CALN1: variants seen among roughly 807,000 people sequenced by gnomAD.
The protein encoded by CALN1 is calcium-binding protein 8.
In CALN1, 17 loss-of-function variants were observed where a neutral mutation model predicts 30.6. That is an observed-to-expected ratio of 0.56 (90% CI 0.38 to 0.83). The LOEUF (loss-of-function observed/expected upper bound fraction) is 0.83. Ranked by LOEUF, CALN1 falls within the 40% of genes least tolerant of loss-of-function variation. The probability of loss-of-function intolerance (pLI) is 0.00; values close to 1 mark genes in which losing one functional copy is unlikely to be tolerated. For missense variants in CALN1, 291 were observed against 354.9 expected, an observed-to-expected ratio of 0.82 and a Z score of 1.45; for synonymous variants, 156 against 131.4, an observed-to-expected ratio of 1.19 and a Z score of -1.28.
chr7:72,054,926 A>T (rs1216853047), intron 4 of CALN1, among the ~76,000 whole-genome samples: 3 of 152,008 alleles, frequency 2.0e-5, no homozygotes, highest in Non-Finnish European at 2.9e-5. Context: ...AAACAAAACA[A>T]AACACACAGA....
the CALN1 span, among the ~76,000 whole-genome samples, chr7:72,453,654 G>C: frequency 6.6e-6 from 1 of 152,138 alleles, no homozygotes; most frequent in African/African-American, 2.4e-5. Flanking sequence ...CTAATCATCT[G>C]TATGAAATGC....
the CALN1 span, among the ~76,000 whole-genome samples, chr7:72,487,295 G>T: frequency 4.3e-4 from 66 of 152,166 alleles, 1 homozygote; most frequent in East Asian, 0.012. Flanking sequence ...CAAAATAGGG[G>T]GTTGTAAAAG....
intron 2 of CALN1, among the ~76,000 whole-genome samples, chr7:72,306,534 G>C (rs1332482790): frequency 6.6e-6 from 1 of 150,420 alleles, no homozygotes; most frequent in African/African-American, 2.5e-5. Context: ...GGTTTCTCCA[G>C]TCGCCCACCT....
At chr7:72,012,511 A>C (rs1800139925) in intron 5 of CALN1, among the ~76,000 whole-genome samples, 1 of 152,240 alleles carries the variant, frequency 6.6e-6, no homozygotes, top group African/African-American at 2.4e-5. Flanking sequence ...ACTCCGTCTC[A>C]AAAAACAAAA....
chr7:72,057,383 C>CTTTTTTTTTTTTTTTTT (rs60838093), intron 4 of CALN1, among the ~76,000 whole-genome samples: 1 of 101,910 alleles, frequency 9.8e-6, no homozygotes, highest in Non-Finnish European at 1.9e-5. Context: ...TTTAAATGTT[C>CTTTTTTTTTTTTTTTTT]TTTTTTTTTT....
chr7:71,988,077 G>A (rs200600421), intron 5 of CALN1, among the ~76,000 whole-genome samples: 7 of 138,132 alleles, frequency 5.1e-5, no homozygotes, highest in African/African-American at 9.4e-5. Flanking sequence ...TGATGACAAC[G>A]ACAAGGATGG....
intron 3 of CALN1, among the ~76,000 whole-genome samples, chr7:72,259,131 A>G (rs898183362): frequency 4.6e-5 from 7 of 151,684 alleles, no homozygotes. Context: ...TCAAAAAAAG[A>G]TATGAAGAAA....
chr7:72,401,962 A>G (rs1249085573), intron 2 of CALN1, among the ~76,000 whole-genome samples: 6 of 152,162 alleles, frequency 3.9e-5, no homozygotes, highest in Non-Finnish European at 8.8e-5. Flanking sequence ...TAGGCTGGTA[A>G]AAGTCCAACC....
chr7:71,809,353 T>C (rs956046266), intron 6 of CALN1, among the ~76,000 whole-genome samples: 1 of 148,672 alleles, frequency 6.7e-6, no homozygotes. Flanking sequence ...CCTCCCCCCA[T>C]AGCACTCACT....
At chr7:72,209,710 C>A (rs376312956) in intron 3 of CALN1, among the ~76,000 whole-genome samples, 3 of 152,238 alleles carry the variant, frequency 2.0e-5, no homozygotes, top group East Asian at 3.9e-4. Flanking sequence ...GCTCTTTATT[C>A]CCCAGCCCTA....
At chr7:72,317,999 T>C (rs1473849918) in intron 2 of CALN1, among the ~76,000 whole-genome samples, 1 of 152,186 alleles carries the variant, frequency 6.6e-6, no homozygotes, top group Non-Finnish European at 1.5e-5. Context: ...CAAAACAGTA[T>C]GGGACCTGAG....
chr7:71,989,439 T>C (rs1188328261), intron 5 of CALN1, among the ~76,000 whole-genome samples: 3 of 131,196 alleles, frequency 2.3e-5, no homozygotes, highest in African/African-American at 1.0e-4. Flanking sequence ...ATTCCATCTA[T>C]TAAAAAAAAA....
chr7:71,920,693 T>A (rs1043261542), intron 5 of CALN1, among the ~76,000 whole-genome samples: 2 of 152,190 alleles, frequency 1.3e-5, no homozygotes, highest in African/African-American at 2.4e-5. Flanking sequence ...TAATATGTAC[T>A]TTCTCCATGT....
intron 5 of CALN1, among the ~76,000 whole-genome samples, chr7:71,822,556 G>T (rs1384679969): frequency 6.6e-6 from 1 of 152,062 alleles, no homozygotes; most frequent in Non-Finnish European, 1.5e-5. Flanking sequence ...CCCGCTTCTG[G>T]TTCTTATGGT....
chr7:72,427,848 T>C (rs555017335), intron 1 of CALN1, among the ~76,000 whole-genome samples: 5 of 152,152 alleles, frequency 3.3e-5, no homozygotes, highest in African/African-American at 1.2e-4. Context: ...CTCTCAGTGG[T>C]AGATCATTTT....
chr7:72,222,989 C>A (rs1793417090), intron 3 of CALN1, among the ~76,000 whole-genome samples: 1 of 148,408 alleles, frequency 6.7e-6, no homozygotes, highest in Non-Finnish European at 1.5e-5. Context: ...CCACTGCAAT[C>A]CAGTCTGGGT....
At chr7:72,066,586 G>A (rs966802172) in intron 4 of CALN1, among the ~76,000 whole-genome samples, 2 of 151,336 alleles carry the variant, frequency 1.3e-5, no homozygotes, top group Non-Finnish European at 2.9e-5. Context: ...TACCTGCTTC[G>A]ATCTGCCTTT....
At chr7:72,071,626 AAAC>A (rs1158163329) in intron 4 of CALN1, among the ~76,000 whole-genome samples, 1 of 152,206 alleles carries the variant, frequency 6.6e-6, no homozygotes, top group East Asian at 1.9e-4. Context: ...AAACAAACAA[AAAC>A]AACAACAAAT....
intron 2 of CALN1, among the ~76,000 whole-genome samples, chr7:72,393,795 G>T (rs111419089): frequency 6.7e-6 from 1 of 148,712 alleles, no homozygotes; most frequent in Non-Finnish European, 1.5e-5. Flanking sequence ...TGTCACCCAG[G>T]CTGCTGCACA....
Sources: gnomAD v4.1 joint callset for allele counts (sites outside exome capture counted in the v4.1 genomes callset) on GRCh38, gnomAD v4.1.1 for gene constraint, MANE v1.5 for transcripts, NCBI Gene and HGNC (gene_info 2026-07-23, HGNC 2026-07-21) for gene names.